LRRK2: variants seen among roughly 807,000 people sequenced by gnomAD.
LRRK2 encodes the protein leucine rich repeat kinase 2, also known as leucine-rich repeat serine/threonine-protein kinase 2.
LRRK2 carries 203 observed loss-of-function variants against 302.6 expected under a neutral mutation model. That is an observed-to-expected ratio of 0.67 (90% CI 0.60 to 0.75). The LOEUF (loss-of-function observed/expected upper bound fraction) is 0.75, where lower values mean the gene tolerates loss of function less well. Ranked by LOEUF, LRRK2 falls within the 30% of genes least tolerant of loss-of-function variation. LRRK2 has a pLI of 0.00. For missense variants in LRRK2, 2,830 were observed against 2,951.0 expected, an observed-to-expected ratio of 0.96 and a Z score of 0.95; for synonymous variants, 1,066 against 1,031.9, an observed-to-expected ratio of 1.03 and a Z score of -0.63.
At chr12:40,366,454 C>CT (rs1255920670) in intron 49 of LRRK2, 3 of 153,576 alleles carry the variant, frequency 2.0e-5, no homozygotes, top group Non-Finnish European at 4.3e-5. Context: ...ATATAAACTC[C>CT]AAGACGGTTG....
At chr12:40,349,599 G>T (rs1348399398) in intron 43 of LRRK2, among the ~76,000 whole-genome samples, 1 of 152,086 alleles carries the variant, frequency 6.6e-6, no homozygotes, top group East Asian at 1.9e-4. Flanking sequence ...ACAGCTCAAT[G>T]CAGCTTTGAC....
intron 25 of LRRK2, among the ~76,000 whole-genome samples, chr12:40,299,665 A>G (rs1457114704): frequency 6.6e-6 from 1 of 152,168 alleles, no homozygotes; most frequent in East Asian, 1.9e-4. Context: ...GATATGTGCC[A>G]TGGTACACTT....
chr12:40,309,190 A>C lies in LRRK2; in HGVS notation c.4274A>C (p.Gln1425Pro). ...YLAVYDLSKGQAEVDAMKPWL... is the reference protein window; with the variant it reads ...YLAVYDLSKGPAEVDAMKPWL... ...GCTGTCTATGACCTCAGCAAGGGAC[A>C]GGCTGAAGTTGATGCCATGAAGCCT... Residue 1425 changes from glutamine (Q) to proline (P), a missense_variant, in exon 30 of 51, where the codon CAG becomes CCG. By Grantham distance (76) the Gln-to-Pro change is moderately conservative (BLOSUM62 -1). Around this residue, in one of 3 missense-constraint regions of LRRK2, gnomAD observed 2,121 missense variants for 2,148.0 expected, o/e 0.99. Transcript: ENST00000298910. 1 of 1,614,006 alleles carries C rather than the reference A, an allele frequency of 6.2e-7. No homozygotes were observed. The highest frequency in any genetic ancestry group is 8.5e-7 in the Non-Finnish European group (1 of 1,179,922).
chr12:40,237,965 A>G lies in LRRK2; in HGVS notation c.437-4A>G. On this transcript the variant is annotated splice_polypyrimidine_tract_variant and splice_region_variant and intron_variant, in intron 4 of 50. Coordinates refer to ENST00000298910, the MANE Select transcript of LRRK2 (RefSeq NM_198578.4). ...CTCAGAGCATATTATTCTCTTTAAA[A>G]TAGGTAAAATCACCTTGCTGATATT... 6.2e-7 allele frequency: 1 copy of G among 1,609,928 alleles called. No individual in the cohort carries two copies.
chr12:40,229,547 G>C lies in LRRK2; in HGVS notation c.238-2727G>C, dbSNP rs113948810. On this transcript the variant is annotated intron_variant, in intron 2 of 50. Transcript: ENST00000298910. ...AATTTTACATCTCTTTATTCTCAAG[G>C]GTTCAACCTTTGAAGAAGGGGAGCA... 2.1e-3 allele frequency among the ~76,000 whole-genome samples: 317 copies of C among 152,154 alleles called. 2 individuals are homozygous for C. The highest frequency in any genetic ancestry group is 6.8e-3 in the African/African-American group (283 of 41,518).
chr12:40,243,895 T>A (rs911182743), intron 7 of LRRK2, among the ~76,000 whole-genome samples: 1 of 152,124 alleles, frequency 6.6e-6, no homozygotes, highest in Non-Finnish European at 1.5e-5. Flanking sequence ...AAAAGGAGTG[T>A]CAAAAATAGA....
At chr12:40,273,905 G>A (rs1479005720) in intron 14 of LRRK2, among the ~76,000 whole-genome samples, 1 of 152,100 alleles carries the variant, frequency 6.6e-6, no homozygotes, top group Non-Finnish European at 1.5e-5. Context: ...TACCTTCATA[G>A]TGTCAAATCA....
chr12:40,263,752 G>T, intron 13 of LRRK2, 37 bp from the exon 14 acceptor site: 1 of 1,453,554 alleles, frequency 6.9e-7, no homozygotes, highest in Non-Finnish European at 9.6e-7. Flanking sequence ...ATGTTTATAA[G>T]AAAATTCTTT....
At chr12:40,284,260 G>GT in intron 19 of LRRK2, 127 bp downstream of exon 19, 2 of 726,926 alleles carry the variant, frequency 2.8e-6, no homozygotes, top group Non-Finnish European at 4.0e-6. Context: ...CAAAGGTTTG[G>GT]ATTTTTTTTT....
At chr12:40,367,379 G>T in intron 50 of LRRK2, 1 of 402,854 alleles carries the variant, frequency 2.5e-6, no homozygotes, top group Non-Finnish European at 4.3e-6. Flanking sequence ...AACAGTGTTT[G>T]AAAAAGCTTT....
chr12:40,237,893 T>A, intron 4 of LRRK2, 76 bp from the exon 5 acceptor site: 2 of 1,478,756 alleles, frequency 1.4e-6, no homozygotes, highest in South Asian at 1.2e-5. Flanking sequence ...CATGTAAAAA[T>A]TAATTCATGT....
intron 23 of LRRK2, among the ~76,000 whole-genome samples, chr12:40,297,848 A>C (rs1944440273): frequency 6.6e-6 from 1 of 152,134 alleles, no homozygotes; most frequent in Non-Finnish European, 1.5e-5. Context: ...ATATATCAAA[A>C]TATGTAAAAT....
chr12:40,253,899 T>G (rs575390490), intron 11 of LRRK2, among the ~76,000 whole-genome samples: 91 of 152,316 alleles, frequency 6.0e-4, no homozygotes, highest in African/African-American at 2.1e-3. Context: ...TAGAGAGCTA[T>G]TCACCATTTT....
intron 11 of LRRK2, among the ~76,000 whole-genome samples, chr12:40,255,116 T>A (rs1482235804): frequency 3.3e-5 from 5 of 152,170 alleles, no homozygotes; most frequent in African/African-American, 1.2e-4. Context: ...GTGTGTAGTG[T>A]CTGTAGGCAC....
At chr12:40,242,871 C>A (rs1399776512) in intron 6 of LRRK2, among the ~76,000 whole-genome samples, 1 of 127,666 alleles carries the variant, frequency 7.8e-6, no homozygotes, top group African/African-American at 2.9e-5. Context: ...ATTATCTATC[C>A]TATAGTTCCA....
chr12:40,361,704 T>A (rs1231177236), intron 47 of LRRK2, among the ~76,000 whole-genome samples: 2 of 152,104 alleles, frequency 1.3e-5, no homozygotes, highest in Non-Finnish European at 2.9e-5. Context: ...GATGCTCATC[T>A]CCCAAAAGAG....
chr12:40,249,945 A>G lies in LRRK2; in HGVS notation c.958A>G (p.Thr320Ala). The part of the protein sequence containing the change: ...ISALSCLALL[T>A]ETIFLNQDLE... ...AGCGCTCAGCTGTTTGGCCCTCCTC[A>G]GTAAGTAACTTCACTAAAAAGGGGA... The change falls in exon 8 of 51, where the codon ACT becomes GCT. Residue 320 changes from threonine (T) to alanine (A), a missense_variant and splice_region_variant. Physicochemically the swap from Thr to Ala is moderately conservative, Grantham distance 58 (BLOSUM62 0). This residue lies in a region of LRRK2 where 2,121 missense variants were observed against 2,148.0 expected (regional missense o/e 0.99). Transcript: ENST00000298910. The G allele has an allele frequency of 6.2e-7, 1 of 1,613,620 alleles. No homozygotes were observed. Among genetic ancestry groups the G allele is most frequent in the Non-Finnish European group, 8.5e-7 (1 of 1,179,694 alleles).
chr12:40,361,271 A>T (rs1461986962), intron 47 of LRRK2, among the ~76,000 whole-genome samples: 1 of 152,082 alleles, frequency 6.6e-6, no homozygotes, highest in African/African-American at 2.4e-5. Context: ...TATGTGGTTA[A>T]CATTTGGATC....
intron 11 of LRRK2, among the ~76,000 whole-genome samples, chr12:40,255,864 G>A (rs1045853433): frequency 3.9e-5 from 6 of 152,118 alleles, no homozygotes; most frequent in Admixed American, 3.3e-4. Context: ...GTGATATTCT[G>A]AATGTGTTTA....
Sources: allele counts gnomAD v4.1 joint callset (sites outside exome capture counted in the v4.1 genomes callset), GRCh38; gene constraint gnomAD v4.1.1; regional missense constraint gnomAD v4.1.1; transcripts MANE v1.5; gene names NCBI Gene and HGNC (gene_info 2026-07-23, HGNC 2026-07-21).